The following SNX13 variants were observed in gnomAD, a reference collection of about 807,000 sequenced individuals.
SNX13 encodes the protein sorting nexin-13.
A neutral mutation model predicts 133.6 loss-of-function variants in SNX13; 45 were observed. The observed-to-expected ratio is 0.34, with a 90% CI of 0.27 to 0.43. The LOEUF (loss-of-function observed/expected upper bound fraction) is 0.43. SNX13 is among the 20% of genes least tolerant of loss of function. SNX13 has a pLI of 1.00. For synonymous variants in SNX13, 414 were observed against 373.9 expected (o/e 1.11, Z -1.24); for missense variants, 1,032 against 1,145.1 (o/e 0.90, Z 1.43).
At chr7:17,928,198 T>C (rs543013829) in intron 1 of SNX13, among the ~76,000 whole-genome samples, 2 of 152,256 alleles carry the variant, frequency 1.3e-5, no homozygotes, top group South Asian at 2.1e-4. Flanking sequence ...GGAGCTATCA[T>C]TTATTAAGTG....
chr7:17,851,804 T>G (rs1179291450), intron 9 of SNX13, among the ~76,000 whole-genome samples: 1 of 151,984 alleles, frequency 6.6e-6, no homozygotes, highest in Non-Finnish European at 1.5e-5. Context: ...AATATAAAAA[T>G]GGCCATTAGT....
At chr7:17,935,159 T>C (rs910315530) in intron 1 of SNX13, among the ~76,000 whole-genome samples, 17 of 152,130 alleles carry the variant, frequency 1.1e-4, no homozygotes, top group Non-Finnish European at 1.9e-4. Context: ...GAAAAGGTGG[T>C]AGATACAATG....
intron 9 of SNX13, among the ~76,000 whole-genome samples, chr7:17,859,616 G>C (rs943342111): frequency 2.0e-5 from 3 of 151,990 alleles, no homozygotes; most frequent in African/African-American, 4.8e-5. Flanking sequence ...TGTTTTTAAA[G>C]AGTTCTCTGA....
rs563730214 is a variant in SNX13, at chr7:17,905,547, T to C, written c.13-8101A>G. On this transcript the variant is annotated intron_variant, in intron 1 of 25. Coordinates refer to ENST00000428135, the MANE Select transcript of SNX13 (RefSeq NM_015132.5). ...TTTGCAGGTGAACAATAAAAATTAA[T>C]CTCCTTTATTTACAATTACCCAATT... Among the ~76,000 whole-genome samples, 29 of 152,348 alleles carry C rather than the reference T, an allele frequency of 1.9e-4. No homozygotes were observed. The East Asian group carries it at 5.6e-3, about 29-fold the overall frequency.
At chr7:17,830,376 G>A (rs906389904) in intron 15 of SNX13, 2 of 984,140 alleles carry the variant, frequency 2.0e-6, no homozygotes, top group African/African-American at 1.8e-5. Context: ...TAAGCATGAG[G>A]AAAACATTGC....
At chr7:17,845,464 G>A in intron 12 of SNX13, 131 bp downstream of exon 12, 1 of 581,272 alleles carries the variant, frequency 1.7e-6, no homozygotes, top group Non-Finnish European at 3.0e-6. Context: ...ACAACATCAT[G>A]AATACATTTA....
At chr7:17,852,216 A>G (rs936923391) in intron 9 of SNX13, among the ~76,000 whole-genome samples, 1 of 152,182 alleles carries the variant, frequency 6.6e-6, no homozygotes, top group African/African-American at 2.4e-5. Context: ...TCTACTAAAA[A>G]TAGAAAAATT....
intron 5 of SNX13, chr7:17,882,840 G>A (rs768253544): frequency 7.8e-7 from 1 of 1,282,192 alleles, no homozygotes; most frequent in East Asian, 6.2e-5. Flanking sequence ...AGGAGACACA[G>A]TGAGACCAAG....
At chr7:17,884,501 T>A (rs1233402697) in intron 5 of SNX13, among the ~76,000 whole-genome samples, 1 of 152,234 alleles carries the variant, frequency 6.6e-6, no homozygotes, top group Non-Finnish European at 1.5e-5. Context: ...CAATTTTGTA[T>A]AGGCAGCCAC....
intron 20 of SNX13, among the ~76,000 whole-genome samples, chr7:17,810,560 AT>A (rs1404899536): frequency 6.6e-6 from 1 of 152,178 alleles, no homozygotes; most frequent in Non-Finnish European, 1.5e-5. Context: ...AGAGGTACAA[AT>A]TCTACCAGAG....
At chr7:17,916,241 A>G (rs1799549678) in intron 1 of SNX13, among the ~76,000 whole-genome samples, 3 of 152,204 alleles carry the variant, frequency 2.0e-5, no homozygotes, top group African/African-American at 7.2e-5. Context: ...CTAGAAAAAC[A>G]AAAACAAACT....
intron 12 of SNX13, among the ~76,000 whole-genome samples, chr7:17,841,583 C>CACACAA (rs1491551329): frequency 5.4e-4 from 82 of 150,466 alleles, no homozygotes; most frequent in Middle Eastern, 6.8e-3. Context: ...CACACACACA[C>CACACAA]GCACACACAC....
chr7:17,805,264 C>CGCGCGCGT (rs1272069293), intron 20 of SNX13, among the ~76,000 whole-genome samples: 1 of 122,340 alleles, frequency 8.2e-6, no homozygotes, highest in Non-Finnish European at 1.7e-5. Context: ...TGCGCGCGCG[C>CGCGCGCGT]GCATGCATGC....
At chr7:17,912,119 T>C (rs1799046701) in intron 1 of SNX13, among the ~76,000 whole-genome samples, 1 of 152,122 alleles carries the variant, frequency 6.6e-6, no homozygotes, top group African/African-American at 2.4e-5. Context: ...GAAAACAGGA[T>C]TCACCAGAAT....
chr7:17,837,345 G>T (rs1789256686), intron 13 of SNX13, among the ~76,000 whole-genome samples: 1 of 151,770 alleles, frequency 6.6e-6, no homozygotes, highest in South Asian at 2.1e-4. Context: ...TTGCTATGTT[G>T]TCCATGCTGG....
rs905126118 is a variant in SNX13, at chr7:17,816,390, G to A, written c.1846-101C>T. The A allele has an allele frequency of 5.6e-4, 760 of 1,360,756 alleles. 6 individuals carry two copies. The highest frequency in any genetic ancestry group is 7.7e-5 in the Non-Finnish European group (79 of 1,024,654). The allele number at this position is 1,360,756 out of a possible 1,614,324, so 84.3% of individuals were successfully genotyped here. On this transcript the variant is annotated intron_variant, in intron 18 of 25. Coordinates refer to ENST00000428135, the MANE Select transcript of SNX13 (RefSeq NM_015132.5). ...TTAAAAACATCTTCAGGCCAGGTGC[G>A]GTGGCTCACGCCTGTAATCCCAGCA...
intron 20 of SNX13, among the ~76,000 whole-genome samples, chr7:17,803,924 G>A (rs1280549831): frequency 6.7e-6 from 1 of 149,868 alleles, no homozygotes; most frequent in Non-Finnish European, 1.5e-5. Flanking sequence ...GGTAATGTTG[G>A]TACACACCTG....
intron 9 of SNX13, among the ~76,000 whole-genome samples, chr7:17,857,015 G>C (rs1398014875): frequency 6.6e-6 from 1 of 151,740 alleles, no homozygotes; most frequent in African/African-American, 2.4e-5. Flanking sequence ...AAGAAAAAAA[G>C]AGGCACCAAA....
At chr7:17,833,284 T>G (rs935361917) in intron 15 of SNX13, among the ~76,000 whole-genome samples, 2 of 151,674 alleles carry the variant, frequency 1.3e-5, no homozygotes, top group Non-Finnish European at 3.0e-5. Flanking sequence ...TATTTACTAA[T>G]AAAAATTGAT....
Sources: gnomAD v4.1 joint callset for allele counts (sites outside exome capture counted in the v4.1 genomes callset) on GRCh38, gnomAD v4.1.1 for gene constraint, MANE v1.5 for transcripts, NCBI Gene and HGNC (gene_info 2026-07-23, HGNC 2026-07-21) for gene names.